ARMH3: variants seen among roughly 807,000 people sequenced by gnomAD.
ARMH3 encodes the protein armadillo like helical domain containing 3, also known as armadillo-like helical domain-containing protein 3.
ARMH3 carries 60 observed loss-of-function variants against 99.1 expected under a neutral mutation model. The observed-to-expected ratio is 0.61, with a 90% CI of 0.49 to 0.75. ARMH3 has a LOEUF of 0.75. ARMH3 is among the 30% of genes least tolerant of loss of function. ARMH3 has a pLI of 0.00. For synonymous variants in ARMH3, 285 were observed against 292.8 expected, an observed-to-expected ratio of 0.97 and a Z score of 0.27; for missense variants, 679 against 843.1, an observed-to-expected ratio of 0.81 and a Z score of 2.41.
chr10:101,917,204 T>A (rs1330982310), intron 23 of ARMH3, among the ~76,000 whole-genome samples: 2 of 152,212 alleles, frequency 1.3e-5, no homozygotes, highest in Non-Finnish European at 2.9e-5. Flanking sequence ...ACAGTCAAGA[T>A]ACAGAACAGT....
chr10:101,909,178 G>A (rs1320351647), intron 23 of ARMH3, among the ~76,000 whole-genome samples: 9 of 151,494 alleles, frequency 5.9e-5, no homozygotes, highest in South Asian at 2.1e-4. Context: ...AGATCGAGGC[G>A]GGCAGATCAC....
chr10:101,876,302 C>T (rs1320990126), intron 24 of ARMH3, among the ~76,000 whole-genome samples: 1 of 149,170 alleles, frequency 6.7e-6, no homozygotes, highest in Non-Finnish European at 1.5e-5. Context: ...GCATGCAGGG[C>T]ACTCTCCCTA....
chr10:102,012,386 C>A (rs2066650234), intron 10 of ARMH3, among the ~76,000 whole-genome samples: 1 of 152,204 alleles, frequency 6.6e-6, no homozygotes, highest in Non-Finnish European at 1.5e-5. Flanking sequence ...AGTTGAGGTT[C>A]ATTCCCAATA....
At chr10:102,043,791 A>C (rs2067477103) in intron 1 of ARMH3, among the ~76,000 whole-genome samples, 1 of 152,254 alleles carries the variant, frequency 6.6e-6, no homozygotes, top group African/African-American at 2.4e-5. Flanking sequence ...CCTACTATCA[A>C]ACTTACAAAT....
chr10:101,941,384 T>C (rs1056205459), intron 22 of ARMH3, among the ~76,000 whole-genome samples: 1 of 152,170 alleles, frequency 6.6e-6, no homozygotes, highest in African/African-American at 2.4e-5. Flanking sequence ...ACCTGGACTT[T>C]CCCAAAAGAA....
intron 22 of ARMH3, among the ~76,000 whole-genome samples, chr10:101,944,265 TATATATATAGAGAGAGAGAGAGAGAGAG>T (rs780114804): frequency 0.019 from 1,046 of 56,162 alleles, 10 homozygotes; most frequent in East Asian, 0.092. Flanking sequence ...TATATATATA[TATATATATAGAGAGAGAGAGAGAGAGAG>T]AGAGAGAGAG....
intron 23 of ARMH3, among the ~76,000 whole-genome samples, chr10:101,914,042 G>T (rs1459733135): frequency 1.3e-5 from 2 of 152,142 alleles, no homozygotes; most frequent in Non-Finnish European, 2.9e-5. Context: ...AAGGACACAG[G>T]GTTGGGTACA....
chr10:101,884,056 C>A (rs4919599), intron 24 of ARMH3, among the ~76,000 whole-genome samples: 1 of 151,288 alleles, frequency 6.6e-6, no homozygotes, highest in African/African-American at 2.4e-5. Context: ...AGGCCACTAG[C>A]GAGGGACAAG....
intron 24 of ARMH3, among the ~76,000 whole-genome samples, chr10:101,866,482 TAAAAAAAAAA>T (rs58252053): frequency 1.6e-3 from 205 of 126,798 alleles, no homozygotes; most frequent in Non-Finnish European, 2.8e-3. Context: ...AGGACAAGTG[TAAAAAAAAAA>T]AAAAAAGAAA....
At chr10:101,851,415 G>A (rs1387870344) in intron 24 of ARMH3, among the ~76,000 whole-genome samples, 1 of 152,168 alleles carries the variant, frequency 6.6e-6, no homozygotes, top group East Asian at 1.9e-4. Flanking sequence ...ATCTGACCTG[G>A]AGGAAAGCCT....
chr10:101,904,833 T>C (rs1304236326), intron 23 of ARMH3, among the ~76,000 whole-genome samples: 1 of 151,114 alleles, frequency 6.6e-6, no homozygotes, highest in Admixed American at 6.6e-5. Context: ...GCACCTGTAG[T>C]CCCAGCTACT....
intron 23 of ARMH3, among the ~76,000 whole-genome samples, chr10:101,921,820 T>G (rs1336303838): frequency 6.6e-6 from 1 of 152,196 alleles, no homozygotes; most frequent in Non-Finnish European, 1.5e-5. Flanking sequence ...CACCAGAGGC[T>G]GGCTGGGAAG....
At chr10:101,853,476 T>G (rs2066656114) in intron 24 of ARMH3, among the ~76,000 whole-genome samples, 1 of 152,164 alleles carries the variant, frequency 6.6e-6, no homozygotes, top group African/African-American at 2.4e-5. Flanking sequence ...AGGGCCACAC[T>G]TAGGGAGAGG....
intron 22 of ARMH3, among the ~76,000 whole-genome samples, chr10:101,946,141 G>C (rs1016437784): frequency 1.7e-5 from 2 of 117,264 alleles, no homozygotes; most frequent in African/African-American, 6.7e-5. Flanking sequence ...TAAAGAACCA[G>C]AATATATAAT....
At chr10:101,905,812 G>A (rs1016514981) in intron 23 of ARMH3, among the ~76,000 whole-genome samples, 3 of 152,120 alleles carry the variant, frequency 2.0e-5, no homozygotes, top group African/African-American at 7.2e-5. Flanking sequence ...ACAAAAAGGT[G>A]CAAAAAAGAA....
chr10:101,928,207 T>A (rs745697447), intron 23 of ARMH3, among the ~76,000 whole-genome samples: 113 of 152,318 alleles, frequency 7.4e-4, no homozygotes, highest in Middle Eastern at 3.4e-3. Context: ...CTCACAAATA[T>A]AATGAAAGGT....
chr10:101,915,800 CTTTTTTTTTT>C (rs781162716), intron 23 of ARMH3, among the ~76,000 whole-genome samples: 2 of 130,858 alleles, frequency 1.5e-5, no homozygotes, highest in Non-Finnish European at 3.3e-5. Context: ...ATTGCAAGTC[CTTTTTTTTTT>C]TTTTTTTTTT....
intron 5 of ARMH3, among the ~76,000 whole-genome samples, chr10:102,029,228 A>G (rs184758712): frequency 3.5e-4 from 53 of 152,344 alleles, no homozygotes; most frequent in Non-Finnish European, 6.3e-4. Flanking sequence ...TAAGGCTGTT[A>G]TTTTAAAAAG....
At chr10:101,972,820 A>G (rs1191663058) in intron 20 of ARMH3, among the ~76,000 whole-genome samples, 1 of 152,176 alleles carries the variant, frequency 6.6e-6, no homozygotes, top group Non-Finnish European at 1.5e-5. Flanking sequence ...CTTCGCGACA[A>G]GCAATGGTCC....
Sources: gnomAD v4.1 joint callset for allele counts (sites outside exome capture counted in the v4.1 genomes callset) on GRCh38, gnomAD v4.1.1 for gene constraint, MANE v1.5 for transcripts, NCBI Gene and HGNC (gene_info 2026-07-23, HGNC 2026-07-21) for gene names.